Variants in MIA3 observed in about 807,000 individuals in gnomAD.
MIA3 encodes the protein MIA SH3 domain ER export factor 3.
In MIA3, 90 loss-of-function variants were observed where a neutral mutation model predicts 192.4. That is an observed-to-expected ratio of 0.47 (90% CI 0.39 to 0.56). The LOEUF (loss-of-function observed/expected upper bound fraction) is 0.56. Among genes scored for constraint, MIA3 ranks in the 20% least tolerant of loss-of-function variants. MIA3 has a pLI of 0.00. For synonymous variants in MIA3, 740 were observed against 792.8 expected, an observed-to-expected ratio of 0.93 and a Z score of 1.12; for missense variants, 2,123 against 2,269.4, an observed-to-expected ratio of 0.94 and a Z score of 1.31.
intron 18 of MIA3, among the ~76,000 whole-genome samples, chr1:222,655,836 A>G (rs1046931821): frequency 6.6e-6 from 1 of 151,916 alleles, no homozygotes; most frequent in Admixed American, 6.6e-5. Flanking sequence ...CTTCCCCAAA[A>G]TTCATTCAGT....
intron 8 of MIA3, 152 bp from the exon 9 acceptor site, chr1:222,650,140 C>G: frequency 1.5e-6 from 1 of 664,886 alleles, no homozygotes. Context: ...AGACACAGAA[C>G]CAAACCATAT....
At chr1:222,635,280 G>T (rs1378680802) in intron 6 of MIA3, among the ~76,000 whole-genome samples, 1 of 152,196 alleles carries the variant, frequency 6.6e-6, no homozygotes, top group Non-Finnish European at 1.5e-5. Context: ...GTTGTAGAAG[G>T]AATTCTTTAT....
chr1:222,646,298 C>G (rs1343559231), intron 7 of MIA3, among the ~76,000 whole-genome samples: 1 of 151,926 alleles, frequency 6.6e-6, no homozygotes, highest in East Asian at 1.9e-4. Flanking sequence ...TGCCTGTAAT[C>G]CCAGCTACTC....
In MIA3 at chr1:222,628,544, G is replaced by T; in HGVS notation, c.1324G>T (p.Asp442Tyr). The stretch of plus-strand genomic sequence containing the variant: ...TTATAGTGACCCTGACAATGTAGAT[G>T]ATGGTCTTTTTATTGTAGACATTCC... ...TDYSDPDNVD[D>Y]GLFIVDIPKT... is the part of the protein sequence containing the mutation. Residue 442 changes from aspartate to tyrosine, a missense_variant, in exon 4 of 28, where the codon GAT becomes TAT. Asp to Tyr is a radical substitution (Grantham distance 160). Transcript: ENST00000344922. The T allele has an allele frequency of 6.2e-7, 1 of 1,614,164 alleles. No homozygotes were observed. The highest frequency in any genetic ancestry group is 1.3e-5 in the African/African-American group (1 of 75,038).
chr1:222,623,178 C>T (rs545674459), intron 2 of MIA3, among the ~76,000 whole-genome samples: 1 of 152,290 alleles, frequency 6.6e-6, no homozygotes, highest in East Asian at 1.9e-4. Context: ...CCCTCCTACC[C>T]CCCGCCCAAA....
Position 222,629,744 on chromosome 1 carries a change from G to C in MIA3, c.2524G>C (p.Gly842Arg). ...CATAAAAATTCAGACTCCAGAATTA[G>C]GTGAAGTGTTTCAGAATAAAGATTC... ...DSIKIQTPELGEVFQNKDSDY... is the reference protein window; with the variant it reads ...DSIKIQTPELREVFQNKDSDY... The change falls in exon 4 of 28, where the codon GGT (glycine) becomes CGT (arginine). Residue 842 changes from glycine to arginine, a missense_variant. This residue lies in a region of MIA3 where 1,357 missense variants were observed against 1,396.1 expected (regional missense o/e 0.97). Transcript: ENST00000344922. The C allele has an allele frequency of 6.2e-7, 1 of 1,614,180 alleles. No individual in the cohort carries two copies. The highest frequency in any genetic ancestry group is 1.1e-5 in the South Asian group (1 of 91,084).
chr1:222,648,790 A>G, intron 7 of MIA3, 39 bp from the exon 8 acceptor site: 1 of 1,119,634 alleles, frequency 8.9e-7, no homozygotes, highest in Non-Finnish European at 1.3e-6. Flanking sequence ...TATTAATAAA[A>G]TGTTTGACAT....
intron 13 of MIA3, among the ~76,000 whole-genome samples, chr1:222,652,768 A>G (rs1273998908): frequency 1.3e-5 from 2 of 152,210 alleles, no homozygotes; most frequent in Non-Finnish European, 2.9e-5. Flanking sequence ...AATTATTTGA[A>G]TTGGCTACAA....
At chr1:222,618,391 G>A (rs1661705069) in intron 1 of MIA3, 148 bp downstream of exon 1, 2 of 811,922 alleles carry the variant, frequency 2.5e-6, no homozygotes, top group African/African-American at 1.8e-5. Context: ...CAGGCGGGAT[G>A]GGCTGAACGC....
intron 26 of MIA3, among the ~76,000 whole-genome samples, chr1:222,663,187 G>A (rs1317780513): frequency 6.6e-6 from 1 of 152,176 alleles, no homozygotes; most frequent in African/African-American, 2.4e-5. Context: ...ATAGAGCTGT[G>A]CCTGTATAAT....
chr1:222,627,451 T>C, intron 3 of MIA3, 124 bp from the exon 4 acceptor site: 1 of 801,244 alleles, frequency 1.2e-6, no homozygotes, highest in South Asian at 1.8e-5. Flanking sequence ...GTGCCCAGTG[T>C]TGACGCAAAA....
In MIA3 at chr1:222,663,998, G is replaced by C. The variant is rs756114348; in HGVS notation, c.5263G>C (p.Val1755Leu). 12 of 1,613,040 alleles carry C rather than the reference G, an allele frequency of 7.4e-6. No individual in the cohort carries two copies. Among genetic ancestry groups the C allele is most frequent in the Non-Finnish European group, 1.0e-5 (12 of 1,179,452 alleles). The change falls in exon 27 of 28, where the codon GTT becomes CTT. Residue 1755 changes from valine (V) to leucine (L), a missense_variant and splice_region_variant. Physicochemically the swap from Val to Leu is conservative, Grantham distance 32. Transcript: ENST00000344922. ...AACTTCAATTGTTTCTACTCTGCAG[G>C]TTAATATGGCTCCAAAAGGGCCCCC... Reference protein sequence around the residue: ...SPTRVLDEGKVNMAPKGPPPF... With the variant: ...SPTRVLDEGKLNMAPKGPPPF...
At chr1:222,653,413 T>G in intron 15 of MIA3, 74 bp downstream of exon 15, 1 of 897,928 alleles carries the variant, frequency 1.1e-6, no homozygotes. Flanking sequence ...ACTTTTCAGC[T>G]GGCTGCATTT....
At chr1:222,662,196 T>C (rs1664051493) in intron 25 of MIA3, 57 bp from the exon 26 acceptor site, 12 of 1,593,782 alleles carry the variant, frequency 7.5e-6, no homozygotes, top group Non-Finnish European at 9.5e-6. Context: ...TTTTTAATCC[T>C]CCTCACAGAG....
At position 222,660,295 on chromosome 1, in the gene MIA3, T is replaced by A; in HGVS notation, c.5094T>A (p.Asp1698Glu). ...TCTCTGCTACTCTCAATCGAAGAGATATGCCTAGAAGTGAATTTGGTGAGC... is the reference window on the plus strand; with the variant it reads ...TCTCTGCTACTCTCAATCGAAGAGAAATGCCTAGAAGTGAATTTGGTGAGC... The part of the protein sequence containing the change: ...RPLSATLNRR[D>E]MPRSEFGSVD... The change falls in exon 24 of 28, where the codon GAT (aspartate) becomes GAA (glutamate). Residue 1698 changes from aspartate to glutamate, a missense_variant. Physicochemically the swap from Asp to Glu is conservative, Grantham distance 45. Coordinates refer to ENST00000344922, the MANE Select transcript of MIA3 (RefSeq NM_198551.4). 6.2e-7 allele frequency: 1 copy of A among 1,613,458 alleles called. No individual in the cohort carries two copies. Among genetic ancestry groups the A allele is most frequent in the East Asian group, 2.2e-5 (1 of 44,880 alleles).
At position 222,660,019 on chromosome 1, in the gene MIA3, C is replaced by T. The variant is rs1233964889; in HGVS notation, c.4975+13C>T. 5 of 1,603,052 alleles carry T rather than the reference C, an allele frequency of 3.1e-6. No homozygotes were observed. The highest frequency in any genetic ancestry group is 1.3e-5 in the African/African-American group (1 of 74,348). ...CCTCCACGGAGAGGTAAGGGAGCTACCTTGTAAAGGGCAACAATCTGTTTT... is the reference window on the plus strand; with the variant it reads ...CCTCCACGGAGAGGTAAGGGAGCTATCTTGTAAAGGGCAACAATCTGTTTT... On this transcript the variant is annotated intron_variant, in intron 23 of 27. Coordinates refer to ENST00000344922, the MANE Select transcript of MIA3 (RefSeq NM_198551.4).
intron 26 of MIA3, 69 bp downstream of exon 26, chr1:222,662,401 GCC>G (rs1286876910): frequency 6.3e-6 from 10 of 1,583,772 alleles, no homozygotes; most frequent in Non-Finnish European, 6.9e-6. Context: ...CTCTCTCTTT[GCC>G]TCATCTCCTA....
Position 222,621,310 on chromosome 1 carries a change from A to C in MIA3, c.267+18A>C, listed in dbSNP as rs759180704. ...CTGGAAGTGTAAGTAAAATATCGAC[A>C]TACTTTATTTGCTTAATTTTTATTG... On this transcript the variant is annotated intron_variant, in intron 2 of 27. Transcript: ENST00000344922. The C allele has an allele frequency of 3.1e-6, 5 of 1,597,014 alleles. No individual in the cohort carries two copies. In the East Asian group the frequency reaches 1.1e-4, roughly 36 times the overall value.
At chr1:222,662,172 G>A in intron 25 of MIA3, 48 bp downstream of exon 25, 1 of 1,602,780 alleles carries the variant, frequency 6.2e-7, no homozygotes, top group Non-Finnish European at 8.5e-7. Context: ...GCAGGAAGTG[G>A]GGAGAGGATT....
Sources: gnomAD v4.1 joint callset for allele counts (sites outside exome capture counted in the v4.1 genomes callset) on GRCh38, gnomAD v4.1.1 for gene constraint, gnomAD v4.1.1 regional missense constraint, MANE v1.5 for transcripts, NCBI Gene and HGNC (gene_info 2026-07-23, HGNC 2026-07-21) for gene names.